Variants in TBXAS1 observed in about 807,000 individuals in gnomAD.
TBXAS1 encodes the protein thromboxane-A synthase.
TBXAS1 carries 48 observed loss-of-function variants against 60.7 expected under a neutral mutation model. The ratio of observed to expected loss-of-function variants is 0.79; its 90% CI spans 0.63 to 1.01. The LOEUF is 1.01. Ranked by LOEUF, TBXAS1 falls within the 50% of genes least tolerant of loss-of-function variation. TBXAS1 has a pLI of 0.00. For missense variants in TBXAS1, 685 were observed against 686.3 expected (o/e 1.00, Z 0.02); for synonymous variants, 287 against 269.7 (o/e 1.06, Z -0.63).
intron 3 of TBXAS1, among the ~76,000 whole-genome samples, chr7:139,879,832 TTGTGTGTGTGTGTGTGTGTG>T (rs57176056): frequency 8.3e-4 from 116 of 140,506 alleles, no homozygotes; most frequent in African/African-American, 2.7e-3. Context: ...TTATCTCATT[TTGTGTGTGTGTGTGTGTGTG>T]TGTGTGTGTG....
intron 4 of TBXAS1, among the ~76,000 whole-genome samples, chr7:139,789,832 T>C (rs757370543): frequency 9.2e-5 from 14 of 152,152 alleles, no homozygotes; most frequent in Non-Finnish European, 1.9e-4. Flanking sequence ...GGTTTTGCCA[T>C]GTTGGCCAGG....
In TBXAS1 at chr7:139,975,513, G is replaced by C. The variant is rs1260475319; in HGVS notation, c.1134+13280G>C. Among the ~76,000 whole-genome samples, 2 of 152,074 alleles carry C rather than the reference G, an allele frequency of 1.3e-5. No homozygotes were observed. Among genetic ancestry groups the C allele is most frequent in the Admixed American group, 1.3e-4 (2 of 15,276 alleles). ...GTGGCTCTGGCATTTCTATAAAGGGGATTTCAGGGCTGCCTGCTGGGGAGG... is the reference window on the plus strand; with the variant it reads ...GTGGCTCTGGCATTTCTATAAAGGGCATTTCAGGGCTGCCTGCTGGGGAGG... On this transcript the variant is annotated intron_variant, in intron 9 of 12. Transcript: ENST00000448866. This position sits in a 1 kb window ranked among gnomAD's most constrained non-coding sequence, Gnocchi z 4.4.
rs1805033370 is a variant in TBXAS1 at position 139,905,854 on chromosome 7, G to A, written c.237-5371G>A. ...GGCAAAAATTTTTAATTTTGATCAA[G>A]TTCAACTTTTTGATTTTTGTCCTTT... On this transcript the variant is annotated intron_variant, in intron 3 of 12. Coordinates refer to ENST00000448866, the MANE Select transcript of TBXAS1 (RefSeq NM_001061.7). Among the ~76,000 whole-genome samples, 3 of 152,046 alleles carry A rather than the reference G, an allele frequency of 2.0e-5. 1 individual carries two copies. The South Asian group carries it at 6.2e-4, about 32-fold the overall frequency.
intron 4 of TBXAS1, among the ~76,000 whole-genome samples, chr7:139,791,732 C>T (rs1218483635): frequency 1.3e-5 from 2 of 151,800 alleles, no homozygotes; most frequent in Non-Finnish European, 1.5e-5. Context: ...CATCTATTAC[C>T]ACGGATTTGG....
chr7:139,870,241 G>A (rs1256429047), intron 1 of TBXAS1, among the ~76,000 whole-genome samples: 1 of 152,192 alleles, frequency 6.6e-6, no homozygotes, highest in African/African-American at 2.4e-5. Flanking sequence ...TTAGGGCATG[G>A]ACTTGCATAA....
chr7:139,923,088 T>G (rs1309049656), intron 4 of TBXAS1, among the ~76,000 whole-genome samples: 2 of 152,080 alleles, frequency 1.3e-5, no homozygotes, highest in Non-Finnish European at 2.9e-5. Flanking sequence ...AAGGCCAAGG[T>G]GGGGGAATTG....
chr7:139,924,760 T>C (rs1311479414), intron 4 of TBXAS1, among the ~76,000 whole-genome samples: 1 of 152,186 alleles, frequency 6.6e-6, no homozygotes, highest in East Asian at 1.9e-4. Context: ...TTTTCTCAAG[T>C]GTTTTCTTTT....
intron 3 of TBXAS1, among the ~76,000 whole-genome samples, chr7:139,893,884 C>T (rs1178623849): frequency 6.6e-6 from 1 of 152,184 alleles, no homozygotes; most frequent in Admixed American, 6.5e-5. Context: ...TTTATCATTA[C>T]AGGTTTCTTT....
At chr7:139,789,162 T>A (rs1797296347) in intron 4 of TBXAS1, 1 of 152,222 alleles carries the variant, frequency 6.6e-6, no homozygotes, top group African/African-American at 2.4e-5. Context: ...TTGCCTTTTT[T>A]ATAATAATTT....
In TBXAS1 at chr7:139,778,909, C is replaced by T. The variant is rs1307625867; in HGVS notation, c.-318+438C>T. Among the ~76,000 whole-genome samples, 1 of 152,194 alleles carries T rather than the reference C, an allele frequency of 6.6e-6. No individual in the cohort carries two copies. The highest frequency in any genetic ancestry group is 1.5e-5 in the Non-Finnish European group (1 of 68,030). On this transcript the variant is annotated intron_variant, in intron 1 of 16. Transcript: ENST00000336425. The surrounding 1 kb of genome is among the most constrained non-coding windows in gnomAD (Gnocchi z 4.8). ...AAGACTTGTTGAGTCTCCTCTTAGG[C>T]ACTGTTTTTAAAACTGTGGGTCGTG...
intron 4 of TBXAS1, among the ~76,000 whole-genome samples, chr7:139,802,329 T>C (rs1797742261): frequency 6.6e-6 from 1 of 152,232 alleles, no homozygotes; most frequent in Non-Finnish European, 1.5e-5. Context: ...TGATATAGTT[T>C]GGCTGCATCC....
chr7:139,954,193 A>T (rs375262153), intron 6 of TBXAS1, among the ~76,000 whole-genome samples: 6 of 152,370 alleles, frequency 3.9e-5, no homozygotes, highest in Admixed American at 2.6e-4. Context: ...ATGGTGAATC[A>T]TCCAGAAATT....
At chr7:139,780,289 A>G (rs1200516103) in intron 1 of TBXAS1, among the ~76,000 whole-genome samples, 2 of 152,208 alleles carry the variant, frequency 1.3e-5, no homozygotes, top group Non-Finnish European at 1.5e-5. Context: ...ATGGCAGTGT[A>G]GCTACTTATG....
chr7:139,783,907 T>G (rs1797083007), intron 3 of TBXAS1, among the ~76,000 whole-genome samples: 1 of 152,124 alleles, frequency 6.6e-6, no homozygotes, highest in Non-Finnish European at 1.5e-5. Context: ...CTGCTTGATC[T>G]CTAAGCAAAC....
chr7:139,931,568 G>A (rs1807331694), intron 4 of TBXAS1, among the ~76,000 whole-genome samples: 2 of 152,198 alleles, frequency 1.3e-5, no homozygotes, highest in South Asian at 4.1e-4. Flanking sequence ...GAAGGTGAAA[G>A]GCACGCCTCA....
At chr7:139,809,233 T>TAGATAGATAGATGATAGATAGATAGATA (rs1554466810) in intron 4 of TBXAS1, among the ~76,000 whole-genome samples, 8 of 131,090 alleles carry the variant, frequency 6.1e-5, no homozygotes, top group East Asian at 4.3e-4. Flanking sequence ...GATAGATAGA[T>TAGATAGATAGATGATAGATAGATAGATA]GATAGATAGA....
chr7:139,921,437 G>A (rs1806460304), intron 4 of TBXAS1, among the ~76,000 whole-genome samples: 1 of 152,092 alleles, frequency 6.6e-6, no homozygotes, highest in Non-Finnish European at 1.5e-5. Context: ...TGGTGGCTCA[G>A]TCCTGTAATT....
upstream of TBXAS1, among the ~76,000 whole-genome samples, chr7:139,826,594 T>C (rs1344679531): frequency 6.6e-6 from 1 of 152,206 alleles, no homozygotes; most frequent in African/African-American, 2.4e-5. Context: ...CGTTTGAATA[T>C]AATCTTTCGA....
intron 9 of TBXAS1, among the ~76,000 whole-genome samples, chr7:139,980,740 C>G (rs1043879839): frequency 6.6e-6 from 1 of 151,824 alleles, no homozygotes; most frequent in Non-Finnish European, 1.5e-5. Flanking sequence ...CCTTCCCCCC[C>G]TGTCATTTCT....
Sources: gnomAD v4.1 joint callset for allele counts (sites outside exome capture counted in the v4.1 genomes callset) on GRCh38, gnomAD v4.1.1 for gene constraint, Gnocchi (gnomAD v3.1) non-coding constraint, MANE v1.5 for transcripts, NCBI Gene and HGNC (gene_info 2026-07-23, HGNC 2026-07-21) for gene names.